Variants in POMT2 observed in about 807,000 individuals in gnomAD.
POMT2 encodes the protein protein O-mannosyl-transferase 2.
Under a neutral mutation model 100.0 loss-of-function variants are expected in POMT2, and 75 were observed. The observed-to-expected ratio is 0.75, with a 90% CI of 0.62 to 0.91. The LOEUF (loss-of-function observed/expected upper bound fraction) is 0.91. Ranked by LOEUF, POMT2 falls within the 40% of genes least tolerant of loss-of-function variation. POMT2 has a pLI of 0.00. For missense variants in POMT2, 940 were observed against 955.1 expected (o/e 0.98, Z 0.21); for synonymous variants, 378 against 374.1 (o/e 1.01, Z -0.12).
At chr14:77,302,792 C>A in intron 5 of POMT2, 43 bp downstream of exon 5, 1 of 1,545,532 alleles carries the variant, frequency 6.5e-7, no homozygotes, top group Non-Finnish European at 8.9e-7. Context: ...TTTGGAGTTG[C>A]CACAGCTTCC....
intron 2 of POMT2, among the ~76,000 whole-genome samples, chr14:77,307,330 G>A (rs1157772034): frequency 3.3e-5 from 5 of 152,192 alleles, no homozygotes; most frequent in Non-Finnish European, 5.9e-5. Flanking sequence ...TGTGGGACAT[G>A]GATTTAGACT....
chr14:77,280,246 G>GA, intron 16 of POMT2, 146 bp downstream of exon 16: 2 of 1,555,750 alleles, frequency 1.3e-6, no homozygotes, highest in Non-Finnish European at 1.7e-6. Context: ...AATTAGGGCA[G>GA]AAAACAGATA....
intron 1 of POMT2, among the ~76,000 whole-genome samples, chr14:77,317,475 A>G (rs1270359535): frequency 6.6e-6 from 1 of 152,222 alleles, no homozygotes; most frequent in African/African-American, 2.4e-5. Context: ...TCAACAGTCA[A>G]TAGCCAAGGT....
intron 3 of POMT2, 162 bp downstream of exon 3, chr14:77,306,175 G>T: frequency 8.0e-7 from 1 of 1,246,126 alleles, no homozygotes; most frequent in Non-Finnish European, 1.1e-6. Flanking sequence ...TCAGTTCTGA[G>T]TATCTACACC....
Position 77,280,003 on chromosome 14 carries a change from G to C in POMT2, c.1785+18C>G. The C allele has an allele frequency of 6.2e-7, 1 of 1,614,110 alleles. No individual in the cohort carries two copies. The highest frequency in any genetic ancestry group is 8.5e-7 in the Non-Finnish European group (1 of 1,180,014). On this transcript the variant is annotated intron_variant, in intron 17 of 20. Transcript: ENST00000261534. ...GCAAGTGCTCCAGGGCCTGAGCCGGGAATGTTTAGGCACTCACCGGGTTGC... is the reference window on the plus strand; with the variant it reads ...GCAAGTGCTCCAGGGCCTGAGCCGGCAATGTTTAGGCACTCACCGGGTTGC...
chr14:77,303,877 G>A (rs1224951239), intron 4 of POMT2, among the ~76,000 whole-genome samples: 3 of 152,212 alleles, frequency 2.0e-5, no homozygotes, highest in Non-Finnish European at 4.4e-5. Context: ...TGAGACCAGA[G>A]TGACTCATCA....
At chr14:77,285,280 T>C (rs1354418607) in intron 13 of POMT2, 1 of 754,610 alleles carries the variant, frequency 1.3e-6, no homozygotes, top group Non-Finnish European at 2.1e-6. Flanking sequence ...AATGTTGAAC[T>C]ATCAGAACAC....
At chr14:77,316,365 G>A (rs1183713597) in intron 1 of POMT2, among the ~76,000 whole-genome samples, 1 of 152,088 alleles carries the variant, frequency 6.6e-6, no homozygotes, top group Non-Finnish European at 1.5e-5. Context: ...TTGAGGTCAG[G>A]AGTTCAAGAC....
At chr14:77,315,967 C>T (rs532289735) in intron 1 of POMT2, among the ~76,000 whole-genome samples, 3 of 152,256 alleles carry the variant, frequency 2.0e-5, no homozygotes, top group South Asian at 2.1e-4. Flanking sequence ...GCTGAAATTG[C>T]GCCACTGCAC....
rs1326409250 is a variant in POMT2, at chr14:77,302,871, A to G, written c.620T>C (p.Met207Thr). ...PILMFFIMAA[M>T]LSMVKYNSCA... ...AGAGTTGTACTTGACCATGCTCAGCATGGCAGCCATGATGAAGAACATCAG... is the reference window on the plus strand; with the variant it reads ...AGAGTTGTACTTGACCATGCTCAGCGTGGCAGCCATGATGAAGAACATCAG... Residue 207 changes from methionine (M) to threonine (T), a missense_variant, in exon 5 of 21, where the codon ATG (methionine) becomes ACG (threonine). Physicochemically the swap from Met to Thr is moderately conservative, Grantham distance 81. Transcript: ENST00000261534. 1 of 1,613,794 alleles carries G rather than the reference A, an allele frequency of 6.2e-7. No homozygotes were observed. Among genetic ancestry groups the G allele is most frequent in the Non-Finnish European group, 8.5e-7 (1 of 1,179,708 alleles).
At chr14:77,285,069 T>G (rs778845772) in intron 13 of POMT2, 28 bp from the exon 14 acceptor site, 1 of 1,553,400 alleles carries the variant, frequency 6.4e-7, no homozygotes, top group Non-Finnish European at 8.9e-7. Flanking sequence ...CACAGATGTC[T>G]CTCAGAAGAC....
intron 1 of POMT2, 34 bp from the exon 2 acceptor site, chr14:77,312,067 TA>T (rs780696513): frequency 6.1e-5 from 98 of 1,610,208 alleles, no homozygotes; most frequent in Middle Eastern, 3.3e-4. Flanking sequence ...ACAAGAATTT[TA>T]AAATTATCAT....
In POMT2 at chr14:77,301,110, C is replaced by T. The variant is rs761773211; in HGVS notation, c.796G>A (p.Gly266Arg). ...NTIADLWYLF[G>R]DLSLSLVTVG... ...CTCACCAATGAAAGACTGAGGTCTCCGAACAGGTACCAAAGGTCTGCAATG... is the reference window on the plus strand; with the variant it reads ...CTCACCAATGAAAGACTGAGGTCTCTGAACAGGTACCAAAGGTCTGCAATG... The change falls in exon 6 of 21, where the codon GGA becomes AGA. Residue 266 changes from glycine (G) to arginine (R), a missense_variant. By Grantham distance (125) the Gly-to-Arg change is moderately radical. Coordinates refer to ENST00000261534, the MANE Select transcript of POMT2 (RefSeq NM_013382.7). 1.9e-5 allele frequency: 31 copies of T among 1,614,144 alleles called. No individual in the cohort carries two copies. The highest frequency in any genetic ancestry group is 4.5e-5 in the East Asian group (2 of 44,888).
At chr14:77,293,746 C>A (rs1261668931) in intron 9 of POMT2, among the ~76,000 whole-genome samples, 1 of 152,210 alleles carries the variant, frequency 6.6e-6, no homozygotes, top group East Asian at 1.9e-4. Flanking sequence ...GCGCAATGCA[C>A]TTTCCCTATA....
chr14:77,306,718 A>C, intron 2 of POMT2: 1 of 380,900 alleles, frequency 2.6e-6, no homozygotes. Context: ...GAGCCCCACA[A>C]TTTGAAGGGT....
chr14:77,278,639 C>T, intron 19 of POMT2, 90 bp downstream of exon 19: 1 of 1,564,618 alleles, frequency 6.4e-7, no homozygotes. Flanking sequence ...GGCCTCCCGT[C>T]AAGGAGCAGA....
chr14:77,279,538 A>G (rs1277323735), intron 18 of POMT2: 1 of 569,286 alleles, frequency 1.8e-6, no homozygotes. Context: ...ATCACTTACT[A>G]GCTGTATGTC....
chr14:77,320,379 G>A lies in POMT2; in HGVS notation c.248+55C>T, dbSNP rs578082610. 107 of 1,542,022 alleles carry A rather than the reference G, an allele frequency of 6.9e-5. No homozygotes were observed. In the South Asian group the frequency reaches 1.2e-3, roughly 17 times the overall value. On this transcript the variant is annotated intron_variant, in intron 1 of 20. Coordinates refer to ENST00000261534, the MANE Select transcript of POMT2 (RefSeq NM_013382.7). ...CTCCGTACCCTCGGGCCAATCAGAG[G>A]GCGGCGTCCCGTCGCGGTTGCCATG...
intron 14 of POMT2, 77 bp downstream of exon 14, chr14:77,284,873 A>G (rs1890361940): frequency 7.5e-7 from 1 of 1,325,152 alleles, no homozygotes; most frequent in Non-Finnish European, 1.1e-6. Flanking sequence ...ACAGTTTACA[A>G]ACGCTTACTT....
Sources: allele counts gnomAD v4.1 joint callset (sites outside exome capture counted in the v4.1 genomes callset), GRCh38; gene constraint gnomAD v4.1.1; transcripts MANE v1.5; gene names NCBI Gene and HGNC (gene_info 2026-07-23, HGNC 2026-07-21).